The following CCDC125 variants were observed in gnomAD, a reference collection of about 807,000 sequenced individuals.
CCDC125 encodes coiled-coil domain-containing protein 125.
Under a neutral mutation model 57.4 loss-of-function variants are expected in CCDC125, and 43 were observed. The ratio of observed to expected loss-of-function variants is 0.75; its 90% CI spans 0.59 to 0.97. The LOEUF (loss-of-function observed/expected upper bound fraction) is 0.97, where lower values mean the gene tolerates loss of function less well. Ranked by LOEUF, CCDC125 falls within the 50% of genes least tolerant of loss-of-function variation. The pLI, the probability that CCDC125 is intolerant of heterozygous loss-of-function variation, is 0.00. For synonymous variants in CCDC125, 187 were observed against 195.2 expected, an observed-to-expected ratio of 0.96 and a Z score of 0.35; for missense variants, 563 against 595.7, an observed-to-expected ratio of 0.95 and a Z score of 0.57.
chr5:69,313,835 TTGA>T, intron 3 of CCDC125, 147 bp downstream of exon 3: 1 of 846,780 alleles, frequency 1.2e-6, no homozygotes, highest in Non-Finnish European at 2.1e-6. Flanking sequence ...GTTGAACACC[TTGA>T]TGACACCATC....
At position 69,282,527 on chromosome 5, in the gene CCDC125, C is replaced by T. The variant is rs575025358; in HGVS notation, c.*202G>A. The T allele has an allele frequency of 4.2e-4, 217 of 510,890 alleles. 1 individual carries two copies. The highest frequency in any genetic ancestry group is 2.5e-4 in the Non-Finnish European group (74 of 295,978). The allele number at this position is 510,890 out of a possible 1,614,324, so 31.6% of individuals were successfully genotyped here. ...AGTGAACCGAGATCACACCACTGCA[C>T]TCCAACCTGGGTGACAGAGCAAGAC... On this transcript the variant is annotated 3_prime_UTR_variant, in exon 12 of 12. Coordinates refer to ENST00000396496, the MANE Select transcript of CCDC125 (RefSeq NM_176816.5).
chr5:69,300,130 A>C lies in CCDC125; in HGVS notation c.701-3T>G. On this transcript the variant is annotated splice_polypyrimidine_tract_variant and splice_region_variant and intron_variant, in intron 7 of 11. Coordinates refer to ENST00000396496, the MANE Select transcript of CCDC125 (RefSeq NM_176816.5). ...CTCCAAATACCGTTGATTCAAAACT[A>C]GGAAGGGCCATATGAGAAAGTATTC... 6.2e-7 allele frequency: 1 copy of C among 1,604,284 alleles called. No individual in the cohort carries two copies. Among genetic ancestry groups the C allele is most frequent in the Non-Finnish European group, 8.5e-7 (1 of 1,171,050 alleles).
rs567711365 is a variant in CCDC125, at chr5:69,312,621, A to T, written c.366+1364T>A. The stretch of plus-strand genomic sequence containing the variant: ...CGGGGAAGGCCGGTGGAAGGAAGTG[A>T]TAACTTACTTTCTCAAGGAGGAGAT... On this transcript the variant is annotated intron_variant, in intron 3 of 11. Transcript: ENST00000396496. 5.9e-5 allele frequency among the ~76,000 whole-genome samples: 9 copies of T among 152,346 alleles called. 1 individual carries two copies. The South Asian group carries it at 1.9e-3, about 32-fold the overall frequency.
chr5:69,329,123 C>A (rs1333298059), intron 1 of CCDC125, among the ~76,000 whole-genome samples: 1 of 151,636 alleles, frequency 6.6e-6, no homozygotes, highest in Non-Finnish European at 1.5e-5. Context: ...CGACTTGAAC[C>A]AACATATCAA....
At chr5:69,315,450 C>CAAAAAAAAAAAAAAAA (rs1359288696) in intron 2 of CCDC125, among the ~76,000 whole-genome samples, 21 of 4,826 alleles carry the variant, frequency 4.4e-3, no homozygotes, top group South Asian at 0.011. Flanking sequence ...AAAAAAAAAA[C>CAAAAAAAAAAAAAAAA]AAAAAAAAAA....
intron 8 of CCDC125, among the ~76,000 whole-genome samples, chr5:69,299,639 T>C (rs1407646169): frequency 6.6e-6 from 1 of 152,194 alleles, no homozygotes; most frequent in Non-Finnish European, 1.5e-5. Flanking sequence ...AAAATGGGGA[T>C]AATATCTGCT....
chr5:69,300,237 A>C, intron 7 of CCDC125, 110 bp from the exon 8 acceptor site: 2 of 778,566 alleles, frequency 2.6e-6, no homozygotes, highest in Non-Finnish European at 4.5e-6. Context: ...TACACTACCC[A>C]CAACATCGGG....
intron 8 of CCDC125, among the ~76,000 whole-genome samples, chr5:69,297,517 G>A (rs149044754): frequency 2.3e-3 from 353 of 151,076 alleles, no homozygotes; most frequent in Non-Finnish European, 4.3e-3. Context: ...ACACCACCAC[G>A]CCCAGCTAAT....
downstream of CCDC125, among the ~76,000 whole-genome samples, chr5:69,275,491 G>GGATA (rs1181998016): frequency 6.6e-6 from 1 of 152,038 alleles, no homozygotes; most frequent in African/African-American, 2.4e-5. Flanking sequence ...ATTTCACTAA[G>GGATA]GATAGCTCAT....
intron 2 of CCDC125, among the ~76,000 whole-genome samples, chr5:69,315,092 C>T (rs1758793290): frequency 6.6e-6 from 1 of 151,582 alleles, no homozygotes; most frequent in Non-Finnish European, 1.5e-5. Flanking sequence ...CCCATCTCTA[C>T]TAAAAACACA....
intron 1 of CCDC125, among the ~76,000 whole-genome samples, chr5:69,328,917 C>G (rs6450033): frequency 6.8e-4 from 103 of 152,094 alleles, no homozygotes; most frequent in African/African-American, 2.4e-3. Context: ...CCTCAGCCTC[C>G]TGAGTAGCTG....
At chr5:69,284,663 C>T (rs1753023497) in intron 11 of CCDC125, among the ~76,000 whole-genome samples, 1 of 152,094 alleles carries the variant, frequency 6.6e-6, no homozygotes, top group African/African-American at 2.4e-5. Flanking sequence ...ACATAGAAGG[C>T]AAGTGCAAGT....
chr5:69,276,567 A>C, downstream of CCDC125: 1 of 1,613,378 alleles, frequency 6.2e-7, no homozygotes. Context: ...GTATTTCAGT[A>C]ATCGGCCAGG....
chr5:69,306,818 T>C lies in CCDC125; in HGVS notation c.616A>G (p.Arg206Gly). The change falls in exon 6 of 12, where the codon AGG (arginine) becomes GGG (glycine). Residue 206 changes from arginine to glycine, a missense_variant and splice_region_variant. Physicochemically the swap from Arg to Gly is moderately radical, Grantham distance 125 (BLOSUM62 -2). Transcript: ENST00000396496. ...AAAATAATGGAGTAATATACAAACC[T>C]GTCATATTTTTGGATCCAAGATTCC... ...IEESWIQKYDRLNCENAVLKE... is the reference protein window; with the variant it reads ...IEESWIQKYDGLNCENAVLKE... 6.7e-7 allele frequency: 1 copy of C among 1,486,216 alleles called. No homozygotes were observed. Among genetic ancestry groups the C allele is most frequent in the Non-Finnish European group, 8.9e-7 (1 of 1,120,500 alleles). The allele number at this position is 1,486,216 out of a possible 1,614,324, so 92.1% of individuals were successfully genotyped here.
In CCDC125 at chr5:69,313,975, G is replaced by C. The variant is rs1397618327; in HGVS notation, c.366+10C>G. ...AAACTGATAATTTTTATATTAGCCAGAGTACCTACCTCTAAAGTTTCATTA... is the reference window on the plus strand; with the variant it reads ...AAACTGATAATTTTTATATTAGCCACAGTACCTACCTCTAAAGTTTCATTA... On this transcript the variant is annotated intron_variant, in intron 3 of 11. Coordinates refer to ENST00000396496, the MANE Select transcript of CCDC125 (RefSeq NM_176816.5). 8 of 1,589,982 alleles carry C rather than the reference G, an allele frequency of 5.0e-6. No homozygotes were observed. In the Admixed American group the frequency reaches 1.0e-4, roughly 20 times the overall value.
intron 6 of CCDC125, among the ~76,000 whole-genome samples, chr5:69,305,262 A>G (rs1757151041): frequency 2.6e-5 from 4 of 152,090 alleles, no homozygotes; most frequent in Admixed American, 1.3e-4. Flanking sequence ...CATCAAAGCT[A>G]GAGTACAGTG....
chr5:69,320,380 C>T lies in CCDC125; in HGVS notation c.161G>A (p.Gly54Glu). The T allele has an allele frequency of 6.2e-7, 1 of 1,614,048 alleles. No homozygotes were observed. ...AAATGGAGGAGGGCTAAAGTTCTTT[C>T]CATCTGATCTTTTTCTAGACCTATG... ...FSHRSRKRSD[G>E]KNFSPPPFPR... The change falls in exon 2 of 12, where the codon GGA becomes GAA. Residue 54 changes from glycine to glutamate, a missense_variant. Gly to Glu is a moderately conservative substitution (Grantham distance 98). Coordinates refer to ENST00000396496, the MANE Select transcript of CCDC125 (RefSeq NM_176816.5).
chr5:69,319,516 C>G (rs1218890754), intron 2 of CCDC125, among the ~76,000 whole-genome samples: 1 of 144,852 alleles, frequency 6.9e-6, no homozygotes, highest in Non-Finnish European at 1.5e-5. Flanking sequence ...GAGTCTTGCT[C>G]TGTCGCCCAG....
chr5:69,332,552 G>A (rs1239045528), intron 1 of CCDC125, 97 bp downstream of exon 1: 3 of 152,162 alleles, frequency 2.0e-5, no homozygotes, highest in African/African-American at 7.2e-5. Context: ...TGGCATTCAG[G>A]GAAAAGGATT....
Sources: allele counts gnomAD v4.1 joint callset (sites outside exome capture counted in the v4.1 genomes callset), GRCh38; gene constraint gnomAD v4.1.1; transcripts MANE v1.5; gene names NCBI Gene and HGNC (gene_info 2026-07-23, HGNC 2026-07-21).